The following SIL1 variants were observed in gnomAD, a reference collection of about 807,000 sequenced individuals.
The protein encoded by SIL1 is nucleotide exchange factor SIL1.
SIL1 carries 40 observed loss-of-function variants against 49.1 expected under a neutral mutation model. The observed-to-expected ratio is 0.81, with a 90% CI of 0.63 to 1.06. SIL1 has a LOEUF of 1.06. SIL1 is among the 50% of genes least tolerant of loss of function. SIL1 has a pLI of 0.00. For missense variants in SIL1, 500 were observed against 572.6 expected (o/e 0.87, Z 1.29); for synonymous variants, 253 against 250.8 (o/e 1.01, Z -0.08).
At chr5:139,124,032 G>A (rs114272061) in intron 2 of SIL1, among the ~76,000 whole-genome samples, 1 of 152,214 alleles carries the variant, frequency 6.6e-6, no homozygotes, top group African/African-American at 2.4e-5. Flanking sequence ...TTACAGGCAT[G>A]AGCCACCACA....
chr5:139,187,466 G>A lies in SIL1; in HGVS notation c.-11+10803C>T, dbSNP rs559130361. On this transcript the variant is annotated intron_variant, in intron 1 of 9. Transcript: ENST00000394817. The stretch of plus-strand genomic sequence containing the variant: ...CGGGAGGCAGAGGTTGCAATGAGCC[G>A]AGATTGTGCCACTCCACTCCAGCCT... 3.0e-4 allele frequency among the ~76,000 whole-genome samples: 45 copies of A among 150,938 alleles called. No homozygotes were observed. The Middle Eastern group carries it at 0.01, about 34-fold the overall frequency.
intron 3 of SIL1, among the ~76,000 whole-genome samples, chr5:139,077,341 C>G (rs1769974686): frequency 6.6e-6 from 1 of 152,274 alleles, no homozygotes; most frequent in East Asian, 1.9e-4. Context: ...CACTTCCAAA[C>G]TACAAAAAGA....
At position 139,131,247 on chromosome 5, in the gene SIL1, G is replaced by A. The variant is rs547321404; in HGVS notation, c.-10-3394C>T. Among the ~76,000 whole-genome samples the A allele has an allele frequency of 2.0e-5, 3 of 152,202 alleles. No individual in the cohort carries two copies. The South Asian group carries it at 6.2e-4, about 31-fold the overall frequency. On this transcript the variant is annotated intron_variant, in intron 1 of 9. Coordinates refer to ENST00000394817, the MANE Select transcript of SIL1 (RefSeq NM_022464.5). ...GTTTACTCAATTGAGGCTTAAGTGA[G>A]TTAATTACAGGGCAGCACCTCTGAA...
chr5:139,069,573 A>T (rs1769783652), intron 3 of SIL1, among the ~76,000 whole-genome samples: 1 of 152,202 alleles, frequency 6.6e-6, no homozygotes, highest in African/African-American at 2.4e-5. Flanking sequence ...CTAATTTCAC[A>T]TAAAAACGAG....
At chr5:139,136,452 T>C (rs573484626) in intron 1 of SIL1, among the ~76,000 whole-genome samples, 21 of 152,030 alleles carry the variant, frequency 1.4e-4, no homozygotes, top group Non-Finnish European at 2.8e-4. Flanking sequence ...GGAGAAACCT[T>C]AGAGAGAAAA....
At chr5:138,965,230 C>T (rs2150387969) in intron 7 of SIL1, among the ~76,000 whole-genome samples, 1 of 152,278 alleles carries the variant, frequency 6.6e-6, no homozygotes, top group East Asian at 1.9e-4. Context: ...GCCTGGTGAC[C>T]CCCACAACCC....
chr5:139,156,090 C>T lies in SIL1; in HGVS notation c.-10-28237G>A, dbSNP rs918687994. Among the ~76,000 whole-genome samples, 7 of 152,260 alleles carry T rather than the reference C, an allele frequency of 4.6e-5. No homozygotes were observed. In the East Asian group the frequency reaches 1.2e-3, roughly 25 times the overall value. ...GGTCAAACTCTTAAGGAACTATCCT[C>T]TCCCTTTCACAGAAGATGACTAAAT... On this transcript the variant is annotated intron_variant, in intron 1 of 9. Coordinates refer to ENST00000394817, the MANE Select transcript of SIL1 (RefSeq NM_022464.5).
intron 7 of SIL1, among the ~76,000 whole-genome samples, chr5:139,015,804 T>G (rs578145810): frequency 6.6e-6 from 1 of 152,310 alleles, no homozygotes; most frequent in South Asian, 2.1e-4. Flanking sequence ...CTAATACACA[T>G]CCATAGAGAA....
intron 7 of SIL1, among the ~76,000 whole-genome samples, chr5:138,956,366 A>G (rs1046759911): frequency 6.6e-6 from 1 of 152,218 alleles, no homozygotes; most frequent in Non-Finnish European, 1.5e-5. Context: ...CAGGATGTGT[A>G]ATCCTGAAAT....
At chr5:139,131,826 G>C (rs949543090) in intron 1 of SIL1, 2 of 152,574 alleles carry the variant, frequency 1.3e-5, no homozygotes, top group African/African-American at 2.4e-5. Flanking sequence ...GGAGGGAGAA[G>C]GCTAGGGAGG....
intron 3 of SIL1, among the ~76,000 whole-genome samples, chr5:139,095,567 T>C (rs548965413): frequency 2.2e-4 from 34 of 152,316 alleles, no homozygotes; most frequent in African/African-American, 7.7e-4. Context: ...AGCCCTATTA[T>C]TGGAATTCTT....
intron 7 of SIL1, among the ~76,000 whole-genome samples, chr5:138,990,633 G>T (rs1273177158): frequency 6.6e-6 from 1 of 152,076 alleles, no homozygotes; most frequent in Admixed American, 6.6e-5. Context: ...TCACTATTTT[G>T]TCCAGGCTGG....
chr5:138,958,331 C>T (rs1432002371), intron 7 of SIL1, among the ~76,000 whole-genome samples: 1 of 152,184 alleles, frequency 6.6e-6, no homozygotes, highest in Admixed American at 6.6e-5. Context: ...CAGTGTATCA[C>T]ATAGGAGGGC....
At chr5:139,095,904 G>T (rs926939847) in intron 3 of SIL1, among the ~76,000 whole-genome samples, 32 of 152,106 alleles carry the variant, frequency 2.1e-4, no homozygotes, top group African/African-American at 7.7e-4. Context: ...TGGTGGAATA[G>T]AAGGCTCCAT....
chr5:139,031,041 G>A (rs1399496057), intron 5 of SIL1, among the ~76,000 whole-genome samples: 4 of 152,104 alleles, frequency 2.6e-5, no homozygotes, highest in Non-Finnish European at 2.9e-5. Flanking sequence ...GCTGGTATAT[G>A]ATATGCAAAT....
chr5:138,951,073 A>G, intron 9 of SIL1, 98 bp downstream of exon 9: 1 of 1,383,676 alleles, frequency 7.2e-7, no homozygotes, highest in Non-Finnish European at 1.0e-6. Context: ...ACACAAAGCA[A>G]ACAAGTGACG....
At chr5:139,172,821 G>GATTCA (rs1301284123) in intron 1 of SIL1, among the ~76,000 whole-genome samples, 1 of 152,112 alleles carries the variant, frequency 6.6e-6, no homozygotes, top group Non-Finnish European at 1.5e-5. Flanking sequence ...CAAAACACCA[G>GATTCA]CTGGTCCCAG....
At chr5:138,949,698 CTA>C (rs1766717641) in intron 9 of SIL1, among the ~76,000 whole-genome samples, 1 of 149,956 alleles carries the variant, frequency 6.7e-6, no homozygotes, top group Admixed American at 6.7e-5. Flanking sequence ...GTAGTCCCAG[CTA>C]CTCAGGGGGC....
chr5:139,054,592 A>G (rs1488058150), intron 3 of SIL1, among the ~76,000 whole-genome samples: 1 of 152,210 alleles, frequency 6.6e-6, no homozygotes, highest in Non-Finnish European at 1.5e-5. Context: ...TACTAGTAAT[A>G]TAATAAAAAT....
Sources: allele counts gnomAD v4.1 joint callset (sites outside exome capture counted in the v4.1 genomes callset), GRCh38; gene constraint gnomAD v4.1.1; transcripts MANE v1.5; gene names NCBI Gene and HGNC (gene_info 2026-07-23, HGNC 2026-07-21).